Variants in HCN2 observed in about 807,000 individuals in gnomAD.
HCN2 encodes potassium/sodium hyperpolarization-activated cyclic nucleotide-gated channel 2.
A neutral mutation model predicts 52.3 loss-of-function variants in HCN2; 20 were observed. The observed-to-expected ratio is 0.38, with a 90% confidence interval of 0.27 to 0.56. The LOEUF is 0.56. Ranked by LOEUF, HCN2 falls within the 20% of genes least tolerant of loss-of-function variation. The pLI, the probability that HCN2 is intolerant of heterozygous loss-of-function variation, is 0.71. For missense variants in HCN2, 981 were observed against 1,207.7 expected (o/e 0.81, Z 2.78); for synonymous variants, 694 against 537.0 (o/e 1.29, Z -4.04).
intron 2 of HCN2, 83 bp from the exon 3 acceptor site, chr19:604,978 C>A: frequency 7.4e-7 from 1 of 1,347,474 alleles, no homozygotes; most frequent in Non-Finnish European, 9.7e-7. Flanking sequence ...GGAGCTCCCG[C>A]AGTGGGGGCG....
rs1323479730 is a variant in HCN2 at position 604,987 on chromosome 19, C to T, written c.1057-74C>T. ...GGGCCAGGAGCTCCCGCAGTGGGGG[C>T]GCACGGGGCTGGGGCTCTGAAGGTG... is the stretch of plus-strand genomic sequence containing the variant. On this transcript the variant is annotated intron_variant, in intron 2 of 7. Transcript: ENST00000251287. 1.2e-5 allele frequency: 17 copies of T among 1,418,706 alleles called. 1 individual carries two copies. The highest frequency in any genetic ancestry group is 2.6e-5 in the South Asian group (2 of 76,916). The allele number at this position is 1,418,706 out of a possible 1,614,324, so 87.9% of individuals were successfully genotyped here.
intron 1 of HCN2, among the ~76,000 whole-genome samples, chr19:600,450 C>T (rs1983167612): frequency 6.6e-6 from 1 of 152,178 alleles, no homozygotes; most frequent in South Asian, 2.1e-4. Flanking sequence ...AAGCGATTCT[C>T]CTGCCTCAGC....
chr19:598,534 G>A (rs1479227068), intron 1 of HCN2, among the ~76,000 whole-genome samples: 2 of 152,058 alleles, frequency 1.3e-5, no homozygotes, highest in African/African-American at 4.8e-5. Context: ...CTGAACTCCT[G>A]AGCTTCTGTG....
At position 592,831 on chromosome 19, in the gene HCN2, G is replaced by T. The variant is rs550982488; in HGVS notation, c.632+2254G>T. On this transcript the variant is annotated intron_variant, in intron 1 of 7. Transcript: ENST00000251287. The surrounding 1 kb of genome is among the most constrained non-coding windows in gnomAD (Gnocchi z 4.8). Reference sequence around the variant, plus strand: ...TGTTTTGGGGCAGCCCACAGCAAGCGAAGGGGCCTCTACGTTTGCAGCTGA... The same window carrying T: ...TGTTTTGGGGCAGCCCACAGCAAGCTAAGGGGCCTCTACGTTTGCAGCTGA... Among the ~76,000 whole-genome samples, 1 of 152,148 alleles carries T rather than the reference G, an allele frequency of 6.6e-6. No individual in the cohort carries two copies. The highest frequency in any genetic ancestry group is 1.5e-5 in the Non-Finnish European group (1 of 68,022).
chr19:608,365 G>A (rs578081976), intron 4 of HCN2, among the ~76,000 whole-genome samples, 183 bp downstream of exon 4: 67 of 134,264 alleles, frequency 5.0e-4, no homozygotes, highest in African/African-American at 1.5e-3. Context: ...CTTGTCCCGG[G>A]GTCTGAGGGG....
At chr19:608,443 C>T (rs779113248) in intron 4 of HCN2, among the ~76,000 whole-genome samples, 48 of 152,078 alleles carry the variant, frequency 3.2e-4, no homozygotes, top group Non-Finnish European at 6.8e-4. Context: ...CTTCAAGTGG[C>T]GCGCTCAGGG....
chr19:596,757 G>T (rs1983043426), intron 1 of HCN2, among the ~76,000 whole-genome samples: 1 of 152,146 alleles, frequency 6.6e-6, no homozygotes, highest in Non-Finnish European at 1.5e-5. Context: ...GTGAGGGGGA[G>T]TGGGGTTGGG....
chr19:590,400 C>A lies in HCN2; in HGVS notation c.455C>A (p.Ala152Glu), dbSNP rs772419784. 2 of 1,320,814 alleles carry A rather than the reference C, an allele frequency of 1.5e-6. No homozygotes were observed. The highest frequency in any genetic ancestry group is 9.8e-7 in the Non-Finnish European group (1 of 1,023,998). The allele number at this position is 1,320,814 out of a possible 1,614,324, so 81.8% of individuals were successfully genotyped here. A position where few individuals can be genotyped will look rare whatever the true frequency, so the allele number is the denominator to read the frequency against. The change falls in exon 1 of 8, where the codon GCG (alanine) becomes GAG (glutamate). Residue 152 changes from alanine to glutamate, a missense_variant. Physicochemically the swap from Ala to Glu is moderately radical, Grantham distance 107. Around this residue, in one of 6 missense-constraint regions of HCN2, gnomAD observed 215 missense variants for 179.4 expected, o/e 1.20. Transcript: ENST00000251287. This position sits in a 1 kb window ranked among gnomAD's most constrained non-coding sequence, Gnocchi z 7.2. Reference sequence around the variant, plus strand: ...GCGGGCAGCGAGGAGGCGGGCCCGGCGGGGGAGCCGCGCGGCAGCCAGGCC... The same window carrying A: ...GCGGGCAGCGAGGAGGCGGGCCCGGAGGGGGAGCCGCGCGGCAGCCAGGCC... ...EEAGSEEAGP[A>E]GEPRGSQASF...
In HCN2 at chr19:616,516, G is replaced by A. The variant is rs1390412589; in HGVS notation, c.*42G>A. On this transcript the variant is annotated 3_prime_UTR_variant, in exon 8 of 8. Transcript: ENST00000251287. ...CGCGGGCCCAGGCGGGCCGGGGGCG[G>A]GGCCGTCATCCAGACCAAAGCCATG... The A allele has an allele frequency of 1.7e-6, 2 of 1,154,804 alleles. No individual in the cohort carries two copies. Among genetic ancestry groups the A allele is most frequent in the Non-Finnish European group, 2.2e-6 (2 of 926,290 alleles). The allele number at this position is 1,154,804 out of a possible 1,614,324, so 71.5% of individuals were successfully genotyped here.
chr19:610,460 C>T (rs1441174120), intron 5 of HCN2, 55 bp downstream of exon 5: 2 of 1,539,812 alleles, frequency 1.3e-6, no homozygotes, highest in East Asian at 4.5e-5. Flanking sequence ...GCCGGCCTCC[C>T]TCTCCTGGAG....
rs1161963466 is a variant in HCN2 at position 615,940 on chromosome 19, C to T, written c.2136C>T (p.Gly712=). 13 of 1,608,144 alleles carry T rather than the reference C, an allele frequency of 8.1e-6. No individual in the cohort carries two copies. The highest frequency in any genetic ancestry group is 1.7e-5 in the Admixed American group (1 of 59,870). ...AGGCCGAGCTGGGTCAGCGCGTGGGCCTCTTCCCGCCGCCGCCGCCGCCGC... is the reference window on the plus strand; with the variant it reads ...AGGCCGAGCTGGGTCAGCGCGTGGGTCTCTTCCCGCCGCCGCCGCCGCCGC... The part of the protein sequence containing the change: ...VQQAELGQRV[G]LFPPPPPPPQ... The change falls in exon 8 of 8, where the codon GGC becomes GGT. Residue 712 remains glycine (G), a synonymous_variant. Transcript: ENST00000251287.
chr19:614,163 G>A, intron 7 of HCN2, 147 bp downstream of exon 7: 1 of 587,908 alleles, frequency 1.7e-6, no homozygotes, highest in Non-Finnish European at 2.7e-6. Context: ...CGTGGCCAAG[G>A]CATCAGGAGT....
chr19:609,761 C>T lies in HCN2; in HGVS notation c.1438-498C>T, dbSNP rs144751553. ...ACAAAAAATAAAAGAATCAGCCAGG[C>T]GTGGTGGCGCACACCTGCAGTCCCT... On this transcript the variant is annotated intron_variant, in intron 4 of 7. Coordinates refer to ENST00000251287, the MANE Select transcript of HCN2 (RefSeq NM_001194.4). 1.6e-3 allele frequency among the ~76,000 whole-genome samples: 251 copies of T among 152,198 alleles called. 4 individuals carry two copies. In the East Asian group the frequency reaches 0.024, roughly 14 times the overall value.
chr19:601,308 G>A (rs531516350), intron 1 of HCN2, among the ~76,000 whole-genome samples: 10 of 152,020 alleles, frequency 6.6e-5, no homozygotes, highest in African/African-American at 1.4e-4. Flanking sequence ...GTGAGACTCC[G>A]TCTCGGAAAA....
chr19:615,721 C>A, intron 7 of HCN2, 74 bp from the exon 8 acceptor site: 3 of 1,483,246 alleles, frequency 2.0e-6, no homozygotes, highest in Non-Finnish European at 2.8e-6. Context: ...ACCCGCGGTG[C>A]AGAGTAGGTG....
rs149215238 is a variant in HCN2, at chr19:595,827, C to T, written c.632+5250C>T. Among the ~76,000 whole-genome samples, 154 of 152,354 alleles carry T rather than the reference C, an allele frequency of 1.0e-3. 1 individual carries two copies. The East Asian group carries it at 0.027, about 27-fold the overall frequency. On this transcript the variant is annotated intron_variant, in intron 1 of 7. Transcript: ENST00000251287. Reference sequence around the variant, plus strand: ...CTGAGAGTGCCGTCTCCTAATCCCCCGGCCCGAGGCTCTCCCTTAATCACC... The same window carrying T: ...CTGAGAGTGCCGTCTCCTAATCCCCTGGCCCGAGGCTCTCCCTTAATCACC...
Position 599,847 on chromosome 19 carries a change from CGTGTGTGTGTGTGTGT to C in HCN2, c.633-3662_633-3647del, listed in dbSNP as rs34793549. Among the ~76,000 whole-genome samples, 377 of 133,318 alleles carry C rather than the reference CGTGTGTGTGTGTGTGT, an allele frequency of 2.8e-3. 2 individuals are homozygous for C. Among genetic ancestry groups the C allele is most frequent in the East Asian group, 5.5e-3 (25 of 4,582 alleles). 87.5% of individuals were successfully genotyped at this position (133,318 alleles called of 152,430 possible). Reference sequence around the variant, plus strand: ...TTGGTACAGGGATGGGAAGGGGTCCCGTGTGTGTGTGTGTGTGTGTGTGTGTGTGTGTGTGTGTGTG... The same window carrying C: ...TTGGTACAGGGATGGGAAGGGGTCCCGTGTGTGTGTGTGTGTGTGTGTGTG... On this transcript the variant is annotated intron_variant, in intron 1 of 7. Coordinates refer to ENST00000251287, the MANE Select transcript of HCN2 (RefSeq NM_001194.4).
At chr19:606,722 C>T (rs58777662) in intron 3 of HCN2, among the ~76,000 whole-genome samples, 33,871 of 150,714 alleles carry the variant, frequency 0.22, 4,499 homozygotes, top group South Asian at 0.39. Context: ...CGTGGTGGCG[C>T]GCACCTGTAA....
chr19:617,136 A>C lies in HCN2; in HGVS notation c.*662A>C. On this transcript the variant is annotated 3_prime_UTR_variant, in exon 8 of 8. Transcript: ENST00000251287. ...TAACCCCCACACCCCCATTCCGCGC[A>C]ATAAACGACAGCATTGGCGCCAAGC... 2.0e-6 allele frequency: 1 copy of C among 489,952 alleles called. No individual in the cohort carries two copies. The highest frequency in any genetic ancestry group is 3.7e-6 in the Non-Finnish European group (1 of 269,142). 30.4% of individuals were successfully genotyped at this position (489,952 alleles called of 1,614,324 possible). A position where few individuals can be genotyped will look rare whatever the true frequency, so the allele number is the denominator to read the frequency against.
Sources: allele counts gnomAD v4.1 joint callset (sites outside exome capture counted in the v4.1 genomes callset), GRCh38; gene constraint gnomAD v4.1.1; regional missense constraint gnomAD v4.1.1; non-coding constraint Gnocchi (gnomAD v3.1); transcripts MANE v1.5; gene names NCBI Gene and HGNC (gene_info 2026-07-23, HGNC 2026-07-21).